The following DPP6 variants were observed in gnomAD, a reference collection of about 807,000 sequenced individuals.
The protein encoded by DPP6 is A-type potassium channel modulatory protein DPP6.
DPP6 carries 69 observed loss-of-function variants against 122.6 expected under a neutral mutation model. The observed-to-expected ratio is 0.56, with a 90% confidence interval of 0.46 to 0.69. The LOEUF (loss-of-function observed/expected upper bound fraction) is 0.69. Among genes scored for constraint, DPP6 ranks in the 30% least tolerant of loss-of-function variants. DPP6 has a pLI of 0.00. For missense variants in DPP6, 928 were observed against 1,116.9 expected, an observed-to-expected ratio of 0.83 and a Z score of 2.41; for synonymous variants, 418 against 433.1, an observed-to-expected ratio of 0.97 and a Z score of 0.43.
intron 5 of DPP6, among the ~76,000 whole-genome samples, chr7:154,623,323 C>T (rs1451655888): frequency 2.0e-5 from 3 of 152,174 alleles, no homozygotes; most frequent in Non-Finnish European, 4.4e-5. Flanking sequence ...CTTTGTCCAT[C>T]GCTGTGCTGG....
rs113187588 is a variant in DPP6, at chr7:154,748,366, G to A, written c.883+20479G>A. On this transcript the variant is annotated intron_variant, in intron 8 of 25. Transcript: ENST00000377770. ...GCAGACTGGACAAAGAGCTCAGATCGGGGGTCTCCGGGTCTGGGCACAGCC... is the reference window on the plus strand; with the variant it reads ...GCAGACTGGACAAAGAGCTCAGATCAGGGGTCTCCGGGTCTGGGCACAGCC... Among the ~76,000 whole-genome samples, 136 of 152,296 alleles carry A rather than the reference G, an allele frequency of 8.9e-4. 2 individuals are homozygous for A. In the South Asian group the frequency reaches 0.013, roughly 15 times the overall value.
chr7:154,352,679 G>T (rs1021925959), intron 1 of DPP6, among the ~76,000 whole-genome samples: 2 of 150,970 alleles, frequency 1.3e-5, no homozygotes, highest in Admixed American at 6.6e-5. Context: ...CTATTGGGGG[G>T]TGTGGGGTAA....
intron 1 of DPP6, among the ~76,000 whole-genome samples, chr7:154,127,664 CACACACACACACAA>C (rs1352112495): frequency 5.2e-4 from 64 of 123,152 alleles, no homozygotes; most frequent in South Asian, 1.1e-3. Flanking sequence ...CACACACACA[CACACACACACACAA>C]AACAGCTCTT....
At chr7:154,036,314 A>T (rs1799535598) in intron 1 of DPP6, among the ~76,000 whole-genome samples, 1 of 143,526 alleles carries the variant, frequency 7.0e-6, no homozygotes, top group Non-Finnish European at 1.5e-5. Context: ...GGGCGGGGGG[A>T]TTCACCATGT....
intron 5 of DPP6, among the ~76,000 whole-genome samples, chr7:154,593,003 G>A (rs1832894788): frequency 6.6e-6 from 1 of 152,144 alleles, no homozygotes; most frequent in Non-Finnish European, 1.5e-5. Context: ...CAGGCTGCGG[G>A]CCGGAGCTGT....
At chr7:153,756,955 T>C in the DPP6 span, among the ~76,000 whole-genome samples, 1 of 152,222 alleles carries the variant, frequency 6.6e-6, no homozygotes, top group Non-Finnish European at 1.5e-5. Context: ...CTGTTTTTTC[T>C]GGTTTTATTT....
the DPP6 span, among the ~76,000 whole-genome samples, chr7:153,807,431 A>C: frequency 2.0e-5 from 3 of 151,624 alleles, no homozygotes; most frequent in Non-Finnish European, 2.9e-5. Flanking sequence ...AAACAAACAA[A>C]AAAAAAAACA....
intron 1 of DPP6, among the ~76,000 whole-genome samples, chr7:154,215,816 GGTTC>G (rs1799965711): frequency 6.6e-6 from 1 of 152,132 alleles, no homozygotes; most frequent in Non-Finnish European, 1.5e-5. Context: ...TGGGTCGCCA[GGTTC>G]TTTGATTTAT....
the DPP6 span, among the ~76,000 whole-genome samples, chr7:153,811,102 G>A: frequency 1.3e-5 from 2 of 152,102 alleles, no homozygotes; most frequent in East Asian, 1.9e-4. Context: ...AATGACGGAT[G>A]AGTCAGGGAG....
At chr7:154,749,479 AGGACGGGAGAGAGAG>A (rs1201656566) in intron 8 of DPP6, among the ~76,000 whole-genome samples, 14 of 134,344 alleles carry the variant, frequency 1.0e-4, no homozygotes, top group East Asian at 2.1e-4. Context: ...GAGAGAGCAT[AGGACGGGAGAGAGAG>A]GGATGGAGGC....
At chr7:154,173,028 C>G (rs907021646) in intron 1 of DPP6, among the ~76,000 whole-genome samples, 14 of 152,252 alleles carry the variant, frequency 9.2e-5, no homozygotes, top group Admixed American at 3.9e-4. Context: ...GAGTAGGCTG[C>G]TTTTGCATTT....
chr7:154,330,783 C>T (rs1808859507), intron 1 of DPP6, among the ~76,000 whole-genome samples: 1 of 152,188 alleles, frequency 6.6e-6, no homozygotes, highest in South Asian at 2.1e-4. Flanking sequence ...TGCGTCTCAG[C>T]CCTTGTTCAC....
chr7:154,769,764 T>A (rs1450470930), intron 9 of DPP6, among the ~76,000 whole-genome samples, 193 bp downstream of exon 9: 1 of 152,218 alleles, frequency 6.6e-6, no homozygotes, highest in Admixed American at 6.5e-5. Flanking sequence ...GCAGGTTTAC[T>A]TCTTTTAGGT....
At chr7:153,814,392 C>A in the DPP6 span, among the ~76,000 whole-genome samples, 1 of 70,186 alleles carries the variant, frequency 1.4e-5, no homozygotes, top group Non-Finnish European at 2.6e-5. Flanking sequence ...TACACCCTCC[C>A]AAGACTCTAA....
intron 1 of DPP6, among the ~76,000 whole-genome samples, chr7:154,376,770 G>A (rs1813162934): frequency 6.6e-6 from 1 of 152,200 alleles, no homozygotes; most frequent in South Asian, 2.1e-4. Context: ...GCCTCATTAA[G>A]TCAAAGAACT....
intron 2 of DPP6, among the ~76,000 whole-genome samples, chr7:154,473,897 A>G (rs578259846): frequency 6.6e-6 from 1 of 152,338 alleles, no homozygotes; most frequent in East Asian, 1.9e-4. Flanking sequence ...ATCACCCCAC[A>G]TAGCAGCACA....
chr7:154,538,126 A>G (rs1212658607), intron 3 of DPP6, among the ~76,000 whole-genome samples: 1 of 152,216 alleles, frequency 6.6e-6, no homozygotes, highest in African/African-American at 2.4e-5. Flanking sequence ...AAAATTCAGG[A>G]GGAAAAAAAA....
At chr7:154,661,934 G>C (rs1348726053) in intron 6 of DPP6, among the ~76,000 whole-genome samples, 1 of 144,764 alleles carries the variant, frequency 6.9e-6, no homozygotes, top group Non-Finnish European at 1.5e-5. Flanking sequence ...TCACCATGGC[G>C]TATTGGCGGT....
intron 1 of DPP6, among the ~76,000 whole-genome samples, chr7:154,024,962 G>T (rs1798899538): frequency 6.6e-6 from 1 of 152,196 alleles, no homozygotes; most frequent in Non-Finnish European, 1.5e-5. Context: ...CCACATGGGA[G>T]AACTTGAGGG....
Sources: allele counts gnomAD v4.1 joint callset (sites outside exome capture counted in the v4.1 genomes callset), GRCh38; gene constraint gnomAD v4.1.1; transcripts MANE v1.5; gene names NCBI Gene and HGNC (gene_info 2026-07-23, HGNC 2026-07-21).